RIMS1: variants seen among roughly 807,000 people sequenced by gnomAD.
RIMS1 encodes the protein regulating synaptic membrane exocytosis protein 1.
In RIMS1, 83 loss-of-function variants were observed where a neutral mutation model predicts 214.1. The ratio of observed to expected loss-of-function variants is 0.39; its 90% CI spans 0.32 to 0.47. The LOEUF is 0.47. Among genes scored for constraint, RIMS1 ranks in the 20% least tolerant of loss-of-function variants. The pLI is 0.99. For missense variants in RIMS1, 2,050 were observed against 2,161.8 expected, an observed-to-expected ratio of 0.95 and a Z score of 1.03; for synonymous variants, 793 against 786.8, an observed-to-expected ratio of 1.01 and a Z score of -0.13.
intron 2 of RIMS1, among the ~76,000 whole-genome samples, chr6:71,990,665 G>C (rs1303594854): frequency 6.6e-6 from 1 of 152,144 alleles, no homozygotes; most frequent in East Asian, 1.9e-4. Context: ...CCTGGGGGCT[G>C]AAAAGTGAGG....
intron 2 of RIMS1, among the ~76,000 whole-genome samples, chr6:71,971,138 A>G (rs1024205908): frequency 6.6e-6 from 1 of 152,206 alleles, no homozygotes; most frequent in East Asian, 1.9e-4. Flanking sequence ...TTTAATAAAC[A>G]TTGCAGTTAT....
intron 1 of RIMS1, among the ~76,000 whole-genome samples, chr6:71,943,565 T>C (rs1256042338): frequency 6.6e-6 from 1 of 152,214 alleles, no homozygotes; most frequent in Non-Finnish European, 1.5e-5. Flanking sequence ...TAATAATCAG[T>C]AATTCTAATG....
intron 1 of RIMS1, among the ~76,000 whole-genome samples, chr6:71,936,021 T>C (rs1376707081): frequency 6.6e-6 from 1 of 152,116 alleles, no homozygotes; most frequent in African/African-American, 2.4e-5. Context: ...GACTGTCCTT[T>C]GGGCGCTGAT....
chr6:72,327,119 A>G (rs1243273258), intron 28 of RIMS1, among the ~76,000 whole-genome samples: 2 of 151,760 alleles, frequency 1.3e-5, no homozygotes, highest in African/African-American at 2.4e-5. Context: ...GAAAGATAAT[A>G]AATTTGTGTT....
chr6:71,963,747 AT>A (rs1793652215), intron 1 of RIMS1, among the ~76,000 whole-genome samples: 1 of 152,108 alleles, frequency 6.6e-6, no homozygotes, highest in African/African-American at 2.4e-5. Context: ...TTGGTTATTT[AT>A]TTTTATTTTA....
At chr6:72,319,933 G>A (rs1360817732) in intron 28 of RIMS1, among the ~76,000 whole-genome samples, 5 of 152,008 alleles carry the variant, frequency 3.3e-5, no homozygotes, top group African/African-American at 9.7e-5. Context: ...TGAAAATATA[G>A]CATTTTGCTT....
Position 72,196,377 on chromosome 6 carries a change from G to GTCTGTTTGTCTATCTA in RIMS1, c.1678+13231_1678+13232insGTTTGTCTATCTATCT, listed in dbSNP as rs1554269277. Among the ~76,000 whole-genome samples, 131 of 144,086 alleles carry GTCTGTTTGTCTATCTA rather than the reference G, an allele frequency of 9.1e-4. 1 individual carries two copies. The highest frequency in any genetic ancestry group is 4.4e-3 in the South Asian group (20 of 4,506). The allele number at this position is 144,086 out of a possible 152,430, so 94.5% of individuals were successfully genotyped here. On this transcript the variant is annotated intron_variant, in intron 6 of 33. Transcript: ENST00000521978. ...TGTCTGTCTGTCTGTCTGTCTGTCT[G>GTCTGTTTGTCTATCTA]TCTATCTATCTATCTATCTATCTAT...
intron 1 of RIMS1, among the ~76,000 whole-genome samples, chr6:71,919,309 AGG>A: frequency 6.6e-6 from 1 of 152,128 alleles, no homozygotes; most frequent in Non-Finnish European, 1.5e-5. Context: ...TGTGGTATTG[AGG>A]AAAAGATAAA....
chr6:72,020,415 G>C (rs923523157), intron 2 of RIMS1, among the ~76,000 whole-genome samples: 2 of 152,146 alleles, frequency 1.3e-5, no homozygotes, highest in Admixed American at 1.3e-4. Context: ...GGAAAGCCAT[G>C]TTCTAAACCC....
chr6:72,381,275 T>A (rs562177454), intron 29 of RIMS1, among the ~76,000 whole-genome samples: 81 of 152,260 alleles, frequency 5.3e-4, no homozygotes, highest in African/African-American at 1.8e-3. Flanking sequence ...TGGATTAGGG[T>A]CAACTTTAAT....
chr6:72,304,985 G>A (rs62407505), intron 26 of RIMS1, among the ~76,000 whole-genome samples: 29,286 of 151,664 alleles, frequency 0.19, 3,542 homozygotes, highest in Non-Finnish European at 0.27. Flanking sequence ...ATTAAATAAG[G>A]TCAGTTTTAA....
intron 1 of RIMS1, among the ~76,000 whole-genome samples, chr6:71,959,037 T>A (rs1792130282): frequency 6.6e-6 from 1 of 152,094 alleles, no homozygotes; most frequent in Admixed American, 6.6e-5. Flanking sequence ...TTTGATTTCC[T>A]TTTTTTGGTC....
chr6:72,025,193 G>A (rs142220633), intron 2 of RIMS1, among the ~76,000 whole-genome samples: 141 of 152,190 alleles, frequency 9.3e-4, no homozygotes, highest in Non-Finnish European at 1.5e-3. Flanking sequence ...ATGAGCCACC[G>A]CACCTGGCCA....
intron 4 of RIMS1, among the ~76,000 whole-genome samples, chr6:72,141,336 A>G (rs1011773559): frequency 2.0e-5 from 3 of 151,976 alleles, no homozygotes; most frequent in African/African-American, 7.2e-5. Flanking sequence ...CTCTAGTGGA[A>G]CTTTTAATGC....
intron 29 of RIMS1, among the ~76,000 whole-genome samples, chr6:72,339,461 G>A (rs2154352398): frequency 6.6e-6 from 1 of 151,574 alleles, no homozygotes; most frequent in South Asian, 2.1e-4. Flanking sequence ...AGTCCCCAGT[G>A]TGTGATGTTC....
chr6:72,398,846 T>C (rs2098808761), intron 32 of RIMS1, 109 bp from the exon 33 acceptor site: 1 of 649,842 alleles, frequency 1.5e-6, no homozygotes, highest in Non-Finnish European at 2.5e-6. Flanking sequence ...AAACAGTCAA[T>C]GGGAAACTTT....
chr6:72,289,280 A>G (rs2092937619), intron 24 of RIMS1, among the ~76,000 whole-genome samples: 1 of 152,324 alleles, frequency 6.6e-6, no homozygotes, highest in Non-Finnish European at 1.5e-5. Flanking sequence ...TTGTCATGAT[A>G]ATGACTTTTA....
chr6:72,165,529 GTC>G (rs960212112), intron 4 of RIMS1, among the ~76,000 whole-genome samples: 13 of 151,876 alleles, frequency 8.6e-5, no homozygotes, highest in African/African-American at 2.7e-4. Context: ...ATCTGTGTGT[GTC>G]TCTCTCTTTT....
At chr6:72,297,222 C>T (rs982950581) in intron 26 of RIMS1, among the ~76,000 whole-genome samples, 1 of 151,810 alleles carries the variant, frequency 6.6e-6, no homozygotes, top group African/African-American at 2.4e-5. Flanking sequence ...AGATTTCTAG[C>T]CATCTTGCTG....
Sources: allele counts gnomAD v4.1 joint callset (sites outside exome capture counted in the v4.1 genomes callset), GRCh38; gene constraint gnomAD v4.1.1; transcripts MANE v1.5; gene names NCBI Gene and HGNC (gene_info 2026-07-23, HGNC 2026-07-21).